The following NXPE2 variants were observed in gnomAD, a reference collection of about 807,000 sequenced individuals.
The protein encoded by NXPE2 is neurexophilin and PC-esterase domain family member 2, also known as NXPE family member 2.
In NXPE2, 34 loss-of-function variants were observed where a neutral mutation model predicts 34.4. The observed-to-expected ratio is 0.99, with a 90% CI of 0.75 to 1.31. NXPE2 has a LOEUF of 1.31. NXPE2 is among the 40% of genes most tolerant of loss of function. The pLI is 0.00. For synonymous variants in NXPE2, 235 were observed against 231.3 expected, an observed-to-expected ratio of 1.02 and a Z score of -0.15; for missense variants, 649 against 672.5, an observed-to-expected ratio of 0.97 and a Z score of 0.39.
chr11:114,693,278 T>A (rs765641501), intron 2 of NXPE2, among the ~76,000 whole-genome samples: 1 of 152,084 alleles, frequency 6.6e-6, no homozygotes, highest in African/African-American at 2.4e-5. Flanking sequence ...GGAGGACAAA[T>A]AATGGACACC....
chr11:114,647,547 A>T, the NXPE2 span, among the ~76,000 whole-genome samples: 1 of 151,866 alleles, frequency 6.6e-6, no homozygotes, highest in Non-Finnish European at 1.5e-5. Context: ...GGTATTCTCT[A>T]TTTTTTGGAA....
chr11:114,738,011 C>CG, the NXPE2 span, among the ~76,000 whole-genome samples: 1 of 152,078 alleles, frequency 6.6e-6, no homozygotes, highest in African/African-American at 2.4e-5. Flanking sequence ...CGCTTGAGCC[C>CG]GGGGGGCGGA....
chr11:114,644,290 C>G, the NXPE2 span, among the ~76,000 whole-genome samples: 2 of 152,184 alleles, frequency 1.3e-5, no homozygotes, highest in South Asian at 4.1e-4. Flanking sequence ...TCCAATACTA[C>G]GTTGAATAGG....
the NXPE2 span, among the ~76,000 whole-genome samples, chr11:114,539,920 T>C: frequency 1.3e-5 from 2 of 152,110 alleles, no homozygotes; most frequent in Non-Finnish European, 2.9e-5. Flanking sequence ...AAGATTCCTA[T>C]CACACACTAC....
chr11:114,631,094 A>G, the NXPE2 span, among the ~76,000 whole-genome samples: 1 of 152,000 alleles, frequency 6.6e-6, no homozygotes, highest in African/African-American at 2.4e-5. Flanking sequence ...AACTAGTTCA[A>G]TCATTGTGGA....
the NXPE2 span, among the ~76,000 whole-genome samples, chr11:114,629,365 T>TCA: frequency 6.6e-6 from 1 of 151,670 alleles, no homozygotes; most frequent in Non-Finnish European, 1.5e-5. Context: ...CCTGGTTCAA[T>TCA]ATACACAAAT....
the NXPE2 span, among the ~76,000 whole-genome samples, chr11:114,751,490 A>G: frequency 6.6e-6 from 1 of 152,214 alleles, no homozygotes; most frequent in South Asian, 2.1e-4. Flanking sequence ...CAAAAGTGAC[A>G]AAACCTACCT....
the NXPE2 span, among the ~76,000 whole-genome samples, chr11:114,798,657 C>A: frequency 6.6e-6 from 1 of 152,356 alleles, no homozygotes; most frequent in African/African-American, 2.4e-5. Context: ...GCTGGGATTA[C>A]AGGCGTGAGC....
chr11:114,678,393 G>A (rs1950882261), upstream of NXPE2: 1 of 512,430 alleles, frequency 2.0e-6, no homozygotes, highest in Middle Eastern at 5.3e-4. Flanking sequence ...GGTGTGGGTT[G>A]GGCAGGAACA....
At chr11:114,572,149 C>T in the NXPE2 span, among the ~76,000 whole-genome samples, 7 of 152,080 alleles carry the variant, frequency 4.6e-5, no homozygotes, top group Non-Finnish European at 1.0e-4. Flanking sequence ...CTCAGGAAGC[C>T]CCATTCCTAG....
the NXPE2 span, chr11:114,527,252 A>G: frequency 6.6e-6 from 1 of 152,266 alleles, no homozygotes; most frequent in Non-Finnish European, 1.5e-5. Flanking sequence ...ATAAATAAAT[A>G]AACATTTGTG....
the NXPE2 span, among the ~76,000 whole-genome samples, chr11:114,804,538 G>A: frequency 1.3e-5 from 2 of 152,154 alleles, no homozygotes; most frequent in African/African-American, 2.4e-5. Flanking sequence ...TTTGGTTTCT[G>A]TTCATTTTGG....
the NXPE2 span, among the ~76,000 whole-genome samples, chr11:114,651,347 C>G: frequency 6.6e-6 from 1 of 151,470 alleles, no homozygotes; most frequent in Non-Finnish European, 1.5e-5. Context: ...GTGGCACGTC[C>G]GGAGTTGTTT....
At position 114,706,693 on chromosome 11, in the gene NXPE2, G is replaced by A. The variant is rs747646559; in HGVS notation, c.1443G>A (p.Pro481=). 30 of 1,551,996 alleles carry A rather than the reference G, an allele frequency of 1.9e-5. No individual in the cohort carries two copies. Among genetic ancestry groups the A allele is most frequent in the East Asian group, 4.9e-5 (2 of 41,080 alleles). Residue 481 remains proline, a synonymous_variant, in exon 6 of 6, where the codon CCG becomes CCA. Coordinates refer to ENST00000389586, the MANE Select transcript of NXPE2 (RefSeq NM_182495.6). The part of the protein sequence containing the change: ...KAIERLFLRS[P]ETKVILKTEN... The stretch of plus-strand genomic sequence containing the variant: ...TTGAACGTCTATTCTTGCGAAGCCC[G>A]GAGACCAAGGTGATACTTAAAACTG...
chr11:114,614,648 T>C, the NXPE2 span, among the ~76,000 whole-genome samples: 1 of 151,292 alleles, frequency 6.6e-6, no homozygotes, highest in African/African-American at 2.4e-5. Context: ...TATTGCCTTG[T>C]GGGTATCCAC....
the NXPE2 span, among the ~76,000 whole-genome samples, chr11:114,568,283 C>T: frequency 3.3e-5 from 5 of 151,902 alleles, no homozygotes; most frequent in East Asian, 9.6e-4. Context: ...AATATTCTGC[C>T]CCTTTTGCAA....
At chr11:114,713,862 C>T in the NXPE2 span, among the ~76,000 whole-genome samples, 104 of 152,254 alleles carry the variant, frequency 6.8e-4, no homozygotes, top group African/African-American at 2.2e-3. Context: ...CACCATGGAT[C>T]GCAAAATAAT....
At chr11:114,785,607 A>G in the NXPE2 span, among the ~76,000 whole-genome samples, 1 of 152,124 alleles carries the variant, frequency 6.6e-6, no homozygotes, top group Admixed American at 6.5e-5. Context: ...TGAAGGCCAA[A>G]AAGTGATCCA....
chr11:114,584,322 T>A, the NXPE2 span: 134 of 500,304 alleles, frequency 2.7e-4, no homozygotes, highest in African/African-American at 2.4e-3. Flanking sequence ...AGAACACTAA[T>A]GAGTACCTGG....
Sources: allele counts gnomAD v4.1 joint callset (sites outside exome capture counted in the v4.1 genomes callset), GRCh38; gene constraint gnomAD v4.1.1; transcripts MANE v1.5; gene names NCBI Gene and HGNC (gene_info 2026-07-23, HGNC 2026-07-21).